MTMR2: variants seen among roughly 807,000 people sequenced by gnomAD.
MTMR2 encodes myotubularin related protein 2.
A neutral mutation model predicts 86.9 loss-of-function variants in MTMR2; 55 were observed. The observed-to-expected ratio is 0.63, with a 90% CI of 0.51 to 0.79. The LOEUF is 0.79. Ranked by LOEUF, MTMR2 falls within the 30% of genes least tolerant of loss-of-function variation. MTMR2 has a pLI of 0.00. For missense variants in MTMR2, 659 were observed against 772.3 expected (o/e 0.85, Z 1.74); for synonymous variants, 241 against 266.8 (o/e 0.90, Z 0.94).
At chr11:95,840,758 T>G (rs544695486) in intron 12 of MTMR2, among the ~76,000 whole-genome samples, 1 of 152,162 alleles carries the variant, frequency 6.6e-6, no homozygotes, top group African/African-American at 2.4e-5. Context: ...CAGTATTTTA[T>G]TGAAGCTAAA....
chr11:95,919,316 G>T (rs868543623), intron 1 of MTMR2, among the ~76,000 whole-genome samples: 1 of 152,088 alleles, frequency 6.6e-6, no homozygotes, highest in Non-Finnish European at 1.5e-5. Context: ...TTTAAGGCAG[G>T]CATGCAATTT....
chr11:95,834,841 C>CAAATGATTTTGATCTG lies in MTMR2; in HGVS notation c.*433_*448dup, dbSNP rs1358506724. 5.8e-6 allele frequency: 1 copy of CAAATGATTTTGATCTG among 172,008 alleles called. No homozygotes were observed. Among genetic ancestry groups the CAAATGATTTTGATCTG allele is most frequent in the Non-Finnish European group, 1.3e-5 (1 of 78,580 alleles). The allele number at this position is 172,008 out of a possible 1,614,324, so 10.7% of individuals were successfully genotyped here. A position where few individuals can be genotyped will look rare whatever the true frequency, so the allele number is the denominator to read the frequency against. On this transcript the variant is annotated 3_prime_UTR_variant, in exon 15 of 15. Transcript: ENST00000346299. ...AAACCTAGAATGGAGAAAGGGATAT[C>CAAATGATTTTGATCTG]AAATGATTTTGATCTGTCATGACAT...
rs759311044 is a variant in MTMR2 at position 95,842,835 on chromosome 11, GTTAAA to G, written c.1387-1131_1387-1127del. On this transcript the variant is annotated intron_variant, in intron 11 of 14. Transcript: ENST00000346299. ...TATTCTACCCTACCAGACACTCACAGTTAAATTAAAGAAAAAAAGTCCATTTCTCT... is the reference window on the plus strand; with the variant it reads ...TATTCTACCCTACCAGACACTCACAGTTAAAGAAAAAAAGTCCATTTCTCT... Among the ~76,000 whole-genome samples the G allele has an allele frequency of 6.0e-4, 92 of 152,250 alleles. 1 individual carries two copies. The highest frequency in any genetic ancestry group is 2.0e-3 in the African/African-American group (84 of 41,560).
intron 11 of MTMR2, 141 bp downstream of exon 11, chr11:95,844,812 T>G (rs1863702236): frequency 1.3e-6 from 1 of 790,850 alleles, no homozygotes; most frequent in African/African-American, 1.7e-5. Flanking sequence ...ATCTTAATGC[T>G]TTCCAAAACA....
chr11:95,912,061 C>T lies in MTMR2; in HGVS notation c.80+11814G>A, dbSNP rs1032521151. ...AACTTTTCTGCACAAACTTCAAAGT[C>T]ATATAAATGAAGTTAACACAGGTGG... is the stretch of plus-strand genomic sequence containing the variant. On this transcript the variant is annotated intron_variant, in intron 1 of 14. Transcript: ENST00000346299. Among the ~76,000 whole-genome samples the T allele has an allele frequency of 2.0e-5, 3 of 146,588 alleles. No homozygotes were observed. The South Asian group carries it at 6.4e-4, about 32-fold the overall frequency.
At position 95,865,688 on chromosome 11, in the gene MTMR2, A is replaced by G. The variant is rs370847368; in HGVS notation, c.187-12T>C. The G allele has an allele frequency of 6.2e-7, 1 of 1,607,998 alleles. No homozygotes were observed. Among genetic ancestry groups the G allele is most frequent in the African/African-American group, 1.3e-5 (1 of 74,798 alleles). On this transcript the variant is annotated splice_polypyrimidine_tract_variant and intron_variant, in intron 2 of 14. Coordinates refer to ENST00000346299, the MANE Select transcript of MTMR2 (RefSeq NM_016156.6). The stretch of plus-strand genomic sequence containing the variant: ...GACTCCCTCAGGACCTGGGGTGGGA[A>G]AGACAAAAAAAGAAACATTTTTTTA...
At chr11:95,886,460 C>T (rs886818219) in intron 2 of MTMR2, among the ~76,000 whole-genome samples, 1 of 152,118 alleles carries the variant, frequency 6.6e-6, no homozygotes, top group African/African-American at 2.4e-5. Flanking sequence ...TTCATGGTGT[C>T]CTGAGGAAAT....
At chr11:95,910,978 C>T (rs564369946) in intron 1 of MTMR2, among the ~76,000 whole-genome samples, 9 of 151,328 alleles carry the variant, frequency 5.9e-5, no homozygotes, top group Admixed American at 5.2e-4. Flanking sequence ...AACAGAAAAA[C>T]AACCCCCCCA....
chr11:95,915,322 A>C (rs901083637), intron 1 of MTMR2, among the ~76,000 whole-genome samples: 1 of 152,124 alleles, frequency 6.6e-6, no homozygotes, highest in African/African-American at 2.4e-5. Flanking sequence ...ATTTGCTGCT[A>C]TCAGTAAAAG....
At chr11:95,835,584 A>AT (rs1863233218) in intron 14 of MTMR2, 133 bp from the exon 15 acceptor site, 3 of 872,520 alleles carry the variant, frequency 3.4e-6, no homozygotes, top group African/African-American at 1.7e-5. Flanking sequence ...CATCAGTGAA[A>AT]TTAAATACCG....
rs3789963 is a variant in MTMR2, at chr11:95,845,430, A to T, written c.1180-271T>A. Among the ~76,000 whole-genome samples the T allele has an allele frequency of 0.074, 11,314 of 152,192 alleles. 582 individuals are homozygous for T. Among genetic ancestry groups the T allele is most frequent in the African/African-American group, 0.14 (5,643 of 41,528 alleles). On this transcript the variant is annotated intron_variant, in intron 10 of 14. Coordinates refer to ENST00000346299, the MANE Select transcript of MTMR2 (RefSeq NM_016156.6). ...TTGGGTGCTACATAAATCATGGTGT[A>T]AGATTCTTCTTAGAAAAGTTCTAAA... is the stretch of plus-strand genomic sequence containing the variant.
intron 2 of MTMR2, among the ~76,000 whole-genome samples, chr11:95,883,980 G>A (rs1865429805): frequency 6.6e-6 from 1 of 152,188 alleles, no homozygotes; most frequent in African/African-American, 2.4e-5. Context: ...CTTATAAAAT[G>A]TGAAGGCTCA....
intron 2 of MTMR2, among the ~76,000 whole-genome samples, chr11:95,871,526 A>C (rs1864882762): frequency 6.6e-6 from 1 of 152,230 alleles, no homozygotes; most frequent in African/African-American, 2.4e-5. Flanking sequence ...TTTTGGCTGC[A>C]TAAATGTCTC....
Position 95,850,500 on chromosome 11 carries a change from GTAGC to G in MTMR2, c.804+96_804+99del, listed in dbSNP as rs368301950. 3.2e-5 allele frequency: 38 copies of G among 1,199,406 alleles called. No homozygotes were observed. In the African/African-American group the frequency reaches 3.3e-4, roughly 10 times the overall value. The allele number at this position is 1,199,406 out of a possible 1,614,324, so 74.3% of individuals were successfully genotyped here. On this transcript the variant is annotated intron_variant, in intron 8 of 14. Transcript: ENST00000346299. The stretch of plus-strand genomic sequence containing the variant: ...ATATCCCCATGAAAGACCTGCTGCT[GTAGC>G]TATTTATATCCTGAATCCATTCTCC...
chr11:95,848,825 T>C (rs1863902528), intron 9 of MTMR2, among the ~76,000 whole-genome samples: 1 of 152,186 alleles, frequency 6.6e-6, no homozygotes. Flanking sequence ...GGCACAATTA[T>C]AGAATTTACA....
intron 2 of MTMR2, among the ~76,000 whole-genome samples, chr11:95,872,521 G>C (rs1055425053): frequency 1.3e-5 from 2 of 152,122 alleles, no homozygotes; most frequent in African/African-American, 4.8e-5. Context: ...GGGCTGAGAC[G>C]ATGGGGTTTT....
rs776661875 is a variant in MTMR2, at chr11:95,882,889, ATTTTTT to A, written c.186+5261_186+5266del. The stretch of plus-strand genomic sequence containing the variant: ...AGGCGCCCGCCACCACATCCAGCTA[ATTTTTT>A]TTTTTTTTTTTTTTTTTTTTTTTTT... On this transcript the variant is annotated intron_variant, in intron 2 of 14. Coordinates refer to ENST00000346299, the MANE Select transcript of MTMR2 (RefSeq NM_016156.6). Among the ~76,000 whole-genome samples the A allele has an allele frequency of 1.1e-4, 8 of 76,076 alleles. No homozygotes were observed. The South Asian group carries it at 2.6e-3, about 25-fold the overall frequency. The allele number at this position is 76,076 out of a possible 152,430, so 49.9% of individuals were successfully genotyped here. A position where few individuals can be genotyped will look rare whatever the true frequency, so the allele number is the denominator to read the frequency against.
intron 2 of MTMR2, among the ~76,000 whole-genome samples, chr11:95,871,238 C>T (rs1181483708): frequency 6.6e-6 from 1 of 152,116 alleles, no homozygotes; most frequent in Admixed American, 6.6e-5. Flanking sequence ...TTTATAATCC[C>T]TTGGGTATAT....
chr11:95,905,935 A>C (rs1866258505), intron 1 of MTMR2, among the ~76,000 whole-genome samples: 1 of 152,168 alleles, frequency 6.6e-6, no homozygotes, highest in Non-Finnish European at 1.5e-5. Context: ...TTTCAGATGA[A>C]ACAGACTTGG....
Sources: allele counts gnomAD v4.1 joint callset (sites outside exome capture counted in the v4.1 genomes callset), GRCh38; gene constraint gnomAD v4.1.1; transcripts MANE v1.5; gene names NCBI Gene and HGNC (gene_info 2026-07-23, HGNC 2026-07-21).